Variants in CAMKMT observed in about 807,000 individuals in gnomAD.
The protein encoded by CAMKMT is CaM KMT.
Under a neutral mutation model 48.0 loss-of-function variants are expected in CAMKMT, and 53 were observed. That is an observed-to-expected ratio of 1.10 (90% CI 0.89 to 1.39). The LOEUF is 1.39. CAMKMT is among the 40% of genes most tolerant of loss of function. CAMKMT has a pLI of 0.00. For missense variants in CAMKMT, 428 were observed against 402.7 expected, an observed-to-expected ratio of 1.06 and a Z score of -0.54; for synonymous variants, 165 against 152.3, an observed-to-expected ratio of 1.08 and a Z score of -0.61.
chr2:44,639,248 A>G (rs1246742655), intron 3 of CAMKMT, among the ~76,000 whole-genome samples: 1 of 152,254 alleles, frequency 6.6e-6, no homozygotes, highest in Non-Finnish European at 1.5e-5. Context: ...TATTGTGTTC[A>G]TCTGAACTTC....
intron 3 of CAMKMT, among the ~76,000 whole-genome samples, chr2:44,669,471 C>G (rs1025251964): frequency 1.2e-4 from 18 of 152,280 alleles, no homozygotes; most frequent in African/African-American, 4.3e-4. Flanking sequence ...GTTGCCTTTA[C>G]TTGATGTTAC....
intron 3 of CAMKMT, among the ~76,000 whole-genome samples, chr2:44,532,894 C>T (rs891969808): frequency 1.3e-5 from 2 of 151,494 alleles, no homozygotes; most frequent in Non-Finnish European, 2.9e-5. Context: ...CTCACTGCAA[C>T]CTCCGTCTCC....
intron 7 of CAMKMT, among the ~76,000 whole-genome samples, chr2:44,730,313 C>A (rs1679013488): frequency 6.6e-6 from 1 of 152,194 alleles, no homozygotes; most frequent in Admixed American, 6.5e-5. Context: ...CTTCAGGATA[C>A]CTTCCCCAAC....
chr2:44,761,003 C>T (rs1467334397), intron 9 of CAMKMT, among the ~76,000 whole-genome samples: 3 of 152,136 alleles, frequency 2.0e-5, no homozygotes, highest in Non-Finnish European at 4.4e-5. Context: ...CCTAACTCTA[C>T]ACTGGAGGGG....
intron 3 of CAMKMT, among the ~76,000 whole-genome samples, chr2:44,479,650 T>A (rs532106876): frequency 6.6e-6 from 1 of 152,292 alleles, no homozygotes; most frequent in African/African-American, 2.4e-5. Context: ...TCCTACAGTT[T>A]CAGAGCATAA....
At chr2:44,566,965 T>C (rs1572817345) in intron 3 of CAMKMT, among the ~76,000 whole-genome samples, 1 of 152,150 alleles carries the variant, frequency 6.6e-6, no homozygotes, top group Non-Finnish European at 1.5e-5. Context: ...ACAGTCGTAG[T>C]AGTAGTAGCA....
intron 3 of CAMKMT, among the ~76,000 whole-genome samples, chr2:44,621,293 A>T (rs983050224): frequency 1.3e-5 from 2 of 151,368 alleles, no homozygotes; most frequent in African/African-American, 4.9e-5. Context: ...AAAGCATAAG[A>T]AAGCACAACC....
At chr2:44,427,886 C>A (rs1397092559) in intron 3 of CAMKMT, among the ~76,000 whole-genome samples, 1 of 152,168 alleles carries the variant, frequency 6.6e-6, no homozygotes, top group Non-Finnish European at 1.5e-5. Context: ...GTTTGCTCAG[C>A]TGCCGTGCCC....
At chr2:44,468,567 C>A (rs1423598687) in intron 3 of CAMKMT, among the ~76,000 whole-genome samples, 13 of 152,284 alleles carry the variant, frequency 8.5e-5, no homozygotes, top group Middle Eastern at 6.8e-3. Flanking sequence ...TATTGCAGCA[C>A]TGTTCATAGT....
intron 3 of CAMKMT, among the ~76,000 whole-genome samples, chr2:44,473,020 A>G (rs1668504208): frequency 6.6e-6 from 1 of 152,212 alleles, no homozygotes; most frequent in Admixed American, 6.5e-5. Context: ...GTCTTCCATT[A>G]CAACGTGTCT....
chr2:44,675,276 C>T (rs757044434), intron 3 of CAMKMT, among the ~76,000 whole-genome samples: 2 of 152,186 alleles, frequency 1.3e-5, no homozygotes, highest in African/African-American at 2.4e-5. Context: ...TTTCAGCACT[C>T]TAATGAGGCT....
In CAMKMT at chr2:44,362,089, C is replaced by T. The variant is rs1394080586; in HGVS notation, c.82C>T (p.Arg28Trp). ...GGSPAVGCTT[R>W]GPVVSAPLGA... ...GAGTCCGGCAGTTGGCTGCACCACT[C>T]GGGGGCCCGTAGTCTCGGCGCCCCT... The change falls in exon 1 of 11, where the codon CGG (arginine) becomes TGG (tryptophan). Residue 28 changes from arginine to tryptophan, a missense_variant. Arg to Trp is a moderately radical substitution (Grantham distance 101). Coordinates refer to ENST00000378494, the MANE Select transcript of CAMKMT (RefSeq NM_024766.5). 6.8e-6 allele frequency: 10 copies of T among 1,461,270 alleles called. No homozygotes were observed. The South Asian group carries it at 9.7e-5, about 14-fold the overall frequency. 90.5% of individuals were successfully genotyped at this position (1,461,270 alleles called of 1,614,324 possible).
rs557947288 is a variant in CAMKMT, at chr2:44,535,180, C to T, written c.376+144875C>T. ...CATAAATTCTGGGGCATACAACCTA[C>T]CAAGATTGAATCAGGAAGAAATAGA... is the stretch of plus-strand genomic sequence containing the variant. On this transcript the variant is annotated intron_variant, in intron 3 of 10. Transcript: ENST00000378494. Among the ~76,000 whole-genome samples the T allele has an allele frequency of 5.9e-5, 9 of 152,150 alleles. No homozygotes were observed. In the South Asian group the frequency reaches 6.2e-4, roughly 11 times the overall value.
At chr2:44,491,758 A>G (rs1669521404) in intron 3 of CAMKMT, among the ~76,000 whole-genome samples, 1 of 152,028 alleles carries the variant, frequency 6.6e-6, no homozygotes. Flanking sequence ...TCTTTTACCT[A>G]TTGCACCCCC....
intron 3 of CAMKMT, among the ~76,000 whole-genome samples, chr2:44,488,944 C>T (rs1384227528): frequency 6.6e-6 from 1 of 151,510 alleles, no homozygotes; most frequent in Non-Finnish European, 1.5e-5. Flanking sequence ...TAGCTCACTG[C>T]AGCCTTGAAC....
intron 3 of CAMKMT, among the ~76,000 whole-genome samples, chr2:44,621,266 C>CAAAAAAAAAAAAAAAAAAAAA (rs10667154): frequency 1.1e-4 from 9 of 84,554 alleles, no homozygotes; most frequent in Admixed American, 2.9e-4. Context: ...GACTCCATCT[C>CAAAAAAAAAAAAAAAAAAAAA]AAAAAAAAAA....
At chr2:44,387,534 G>T (rs1357801433) in intron 2 of CAMKMT, among the ~76,000 whole-genome samples, 1 of 152,056 alleles carries the variant, frequency 6.6e-6, no homozygotes, top group African/African-American at 2.4e-5. Context: ...GAAATGTGAG[G>T]TACCCTTGCA....
At chr2:44,694,563 C>CA (rs1474878060) in intron 3 of CAMKMT, among the ~76,000 whole-genome samples, 3 of 152,002 alleles carry the variant, frequency 2.0e-5, no homozygotes, top group Non-Finnish European at 2.9e-5. Context: ...ATCCTGTCTC[C>CA]AAAAATAAAA....
intron 3 of CAMKMT, among the ~76,000 whole-genome samples, chr2:44,671,470 G>A (rs1171614526): frequency 1.3e-5 from 2 of 152,172 alleles, no homozygotes; most frequent in Non-Finnish European, 2.9e-5. Context: ...TGACACTGTT[G>A]GCCTTCTGGG....
Sources: allele counts gnomAD v4.1 joint callset (sites outside exome capture counted in the v4.1 genomes callset), GRCh38; gene constraint gnomAD v4.1.1; transcripts MANE v1.5; gene names NCBI Gene and HGNC (gene_info 2026-07-23, HGNC 2026-07-21).